Variants in TMPRSS11A observed in about 807,000 individuals in gnomAD.
The protein encoded by TMPRSS11A is transmembrane protease serine 11A.
In TMPRSS11A, 53 loss-of-function variants were observed where a neutral mutation model predicts 58.9. The observed-to-expected ratio is 0.90, with a 90% CI of 0.72 to 1.13. The LOEUF (loss-of-function observed/expected upper bound fraction) is 1.13. TMPRSS11A is among the 50% of genes most tolerant of loss of function. The pLI is 0.00. For synonymous variants in TMPRSS11A, 167 were observed against 169.8 expected (o/e 0.98, Z 0.13); for missense variants, 493 against 499.3 (o/e 0.99, Z 0.12).
At chr4:67,924,364 G>A (rs527801981) in intron 5 of TMPRSS11A, among the ~76,000 whole-genome samples, 198 bp from the exon 6 acceptor site, 2 of 152,274 alleles carry the variant, frequency 1.3e-5, no homozygotes, top group South Asian at 4.2e-4. Context: ...CTCTAATTAG[G>A]TGGATACTAT....
At chr4:67,917,245 C>T (rs533590883) in intron 8 of TMPRSS11A, among the ~76,000 whole-genome samples, 2 of 151,736 alleles carry the variant, frequency 1.3e-5, no homozygotes, top group African/African-American at 4.8e-5. Context: ...TTATAATATG[C>T]ATTTTCTATA....
Position 67,922,847 on chromosome 4 carries a change from C to A in TMPRSS11A, c.600G>T (p.Trp200Cys). The change falls in exon 7 of 10, where the codon TGG becomes TGT. Residue 200 changes from tryptophan to cysteine, a missense_variant. By Grantham distance (215) the Trp-to-Cys change is radical. Coordinates refer to ENST00000508048, the MANE Select transcript of TMPRSS11A (RefSeq NM_001114387.2). Reference sequence around the variant, plus strand: ...TGTTATCATACTGAAGGGAAGCTTGCCAAGGCCAGGCCGCCTTGGGTGCAA... The same window carrying A: ...TGTTATCATACTGAAGGGAAGCTTGACAAGGCCAGGCCGCCTTGGGTGCAA... The part of the protein sequence containing the change: ...GVIAPKAAWP[W>C]QASLQYDNIH... 1 of 1,614,136 alleles carries A rather than the reference C, an allele frequency of 6.2e-7. No homozygotes were observed. The highest frequency in any genetic ancestry group is 8.5e-7 in the Non-Finnish European group (1 of 1,180,022).
chr4:67,939,943 T>C (rs1463495041), intron 3 of TMPRSS11A, among the ~76,000 whole-genome samples: 1 of 152,094 alleles, frequency 6.6e-6, no homozygotes, highest in Non-Finnish European at 1.5e-5. Context: ...CCCACCATGG[T>C]CTCCCAAAGT....
chr4:67,929,827 A>T, intron 5 of TMPRSS11A, 53 bp downstream of exon 5: 3 of 1,411,602 alleles, frequency 2.1e-6, no homozygotes, highest in South Asian at 1.5e-5. Flanking sequence ...GAGATTCGTC[A>T]AAACATGGAC....
intron 7 of TMPRSS11A, 38 bp from the exon 8 acceptor site, chr4:67,919,270 T>A (rs758374362): frequency 6.3e-7 from 1 of 1,589,020 alleles, no homozygotes; most frequent in African/African-American, 1.3e-5. Context: ...ATATATAAGC[T>A]GCCCAAAGTA....
chr4:67,944,996 A>G (rs1232306428), intron 2 of TMPRSS11A, among the ~76,000 whole-genome samples: 1 of 152,214 alleles, frequency 6.6e-6, no homozygotes, highest in East Asian at 1.9e-4. Context: ...AATCCAGTCT[A>G]GCTGTAGAGC....
intron 3 of TMPRSS11A, among the ~76,000 whole-genome samples, chr4:67,940,796 C>T (rs923447285): frequency 8.5e-5 from 13 of 152,178 alleles, no homozygotes; most frequent in Non-Finnish European, 1.6e-4. Context: ...ACATGCAACA[C>T]ATGAAGAGAC....
chr4:67,928,701 A>G (rs1442905352), intron 5 of TMPRSS11A, among the ~76,000 whole-genome samples: 1 of 152,018 alleles, frequency 6.6e-6, no homozygotes, highest in Non-Finnish European at 1.5e-5. Flanking sequence ...TAAGTAGCTG[A>G]CTCGTTCTCA....
Position 67,919,046 on chromosome 4 carries a change from C to A in TMPRSS11A, c.879G>T (p.Leu293Phe). Residue 293 changes from leucine (L) to phenylalanine (F), a missense_variant, in exon 8 of 10, where the codon TTG (leucine) becomes TTT (phenylalanine). Transcript: ENST00000508048. ...TFSDDIRQIC[L>F]PEASASFQPN... ...GTTGGAAGGATGCAGAGGCTTCTGG[C>A]AAACAAATCTGGCGTATGTCATCCG... 6.2e-7 allele frequency: 1 copy of A among 1,614,140 alleles called. No homozygotes were observed. The highest frequency in any genetic ancestry group is 8.5e-7 in the Non-Finnish European group (1 of 1,180,010).
chr4:67,911,481 A>G lies in TMPRSS11A; in HGVS notation c.1118T>C (p.Val373Ala). 1 of 1,612,518 alleles carries G rather than the reference A, an allele frequency of 6.2e-7. No individual in the cohort carries two copies. Among genetic ancestry groups the G allele is most frequent in the South Asian group, 1.1e-5 (1 of 90,698 alleles). Residue 373 changes from valine (V) to alanine (A), a missense_variant, in exon 10 of 10, where the codon GTC (valine) becomes GCC (alanine). By Grantham distance (64) the Val-to-Ala change is moderately conservative. Transcript: ENST00000508048. ...ACRGDSGGPL[V>A]TRDLKDTWYL... ...CCACGTATCTTTCAGATCCCTTGTG[A>G]CTAAAGGTCCCCCAGAATCACCCTA... is the stretch of plus-strand genomic sequence containing the variant.
Position 67,911,317 on chromosome 4 carries a change from T to G in TMPRSS11A, c.*25A>C. The G allele has an allele frequency of 6.2e-7, 1 of 1,611,356 alleles. No individual in the cohort carries two copies. Among genetic ancestry groups the G allele is most frequent in the Non-Finnish European group, 8.5e-7 (1 of 1,178,078 alleles). ...ATGCATATATGACCTGCATACAGCT[T>G]TCTTTGTTTAACTTTTATCGTGAAT... On this transcript the variant is annotated 3_prime_UTR_variant, in exon 10 of 10. Coordinates refer to ENST00000508048, the MANE Select transcript of TMPRSS11A (RefSeq NM_001114387.2).
In TMPRSS11A at chr4:67,911,167, A is replaced by C. The variant is rs980062765; in HGVS notation, c.*175T>G. On this transcript the variant is annotated 3_prime_UTR_variant, in exon 10 of 10. Coordinates refer to ENST00000508048, the MANE Select transcript of TMPRSS11A (RefSeq NM_001114387.2). ...CTTTACAAATAAAAGTCCCTTATAA[A>C]TTGGCTAAGGATTATTGGTTGATTA... 5.8e-6 allele frequency: 3 copies of C among 521,448 alleles called. No individual in the cohort carries two copies. Among genetic ancestry groups the C allele is most frequent in the African/African-American group, 5.7e-5 (3 of 52,670 alleles). The allele number at this position is 521,448 out of a possible 1,614,324, so 32.3% of individuals were successfully genotyped here. A position where few individuals can be genotyped will look rare whatever the true frequency, so the allele number is the denominator to read the frequency against.
intron 1 of TMPRSS11A, among the ~76,000 whole-genome samples, chr4:67,958,253 G>A (rs899185443): frequency 2.6e-5 from 4 of 152,222 alleles, no homozygotes; most frequent in Non-Finnish European, 5.9e-5. Context: ...CAGAATGGTA[G>A]ATTCACCGAC....
In TMPRSS11A at chr4:67,909,846, C is replaced by T. The variant is rs1719921378; in HGVS notation, c.*1496G>A. 1 of 152,040 alleles carries T rather than the reference C, an allele frequency of 6.6e-6. No homozygotes were observed. Among genetic ancestry groups the T allele is most frequent in the Non-Finnish European group, 1.5e-5 (1 of 67,950 alleles). 9.4% of individuals were successfully genotyped at this position (152,040 alleles called of 1,614,324 possible). A position where few individuals can be genotyped will look rare whatever the true frequency, so the allele number is the denominator to read the frequency against. On this transcript the variant is annotated 3_prime_UTR_variant, in exon 10 of 10. Coordinates refer to ENST00000508048, the MANE Select transcript of TMPRSS11A (RefSeq NM_001114387.2). Reference sequence around the variant, plus strand: ...TATTGGCCTATGTGACATGCAATCTCTTCTCAGCTTTAAAATTCTATGAGT... The same window carrying T: ...TATTGGCCTATGTGACATGCAATCTTTTCTCAGCTTTAAAATTCTATGAGT...
chr4:67,918,564 A>AT (rs1720221440), intron 8 of TMPRSS11A, among the ~76,000 whole-genome samples: 1 of 152,110 alleles, frequency 6.6e-6, no homozygotes, highest in African/African-American at 2.4e-5. Flanking sequence ...CTTTCTATGT[A>AT]TTTTTTCTTT....
At chr4:67,932,109 T>C (rs73823321) in intron 3 of TMPRSS11A, 49 bp from the exon 4 acceptor site, 64,911 of 1,055,376 alleles carry the variant, frequency 0.062, 2,581 homozygotes, top group African/African-American at 0.17. Context: ...TATTTTATAA[T>C]AGGAATATAT....
At position 67,963,484 on chromosome 4, in the gene TMPRSS11A, TCTACGG is replaced by T; in HGVS notation, c.-97_-92del. The T allele has an allele frequency of 7.1e-7, 1 of 1,404,270 alleles. No individual in the cohort carries two copies. The highest frequency in any genetic ancestry group is 1.2e-5 in the South Asian group (1 of 80,922). The allele number at this position is 1,404,270 out of a possible 1,614,324, so 87.0% of individuals were successfully genotyped here. On this transcript the variant is annotated 5_prime_UTR_variant, in exon 1 of 10. Coordinates refer to ENST00000508048, the MANE Select transcript of TMPRSS11A (RefSeq NM_001114387.2). ...ATGACATCTCTAGATGTATTAGAAG[TCTACGG>T]CTCAAAGAAATAAGGAAACAAATTA...
intron 1 of TMPRSS11A, among the ~76,000 whole-genome samples, chr4:67,955,943 G>A (rs1186041243): frequency 6.6e-6 from 1 of 152,134 alleles, no homozygotes; most frequent in Non-Finnish European, 1.5e-5. Flanking sequence ...TAAAAAAGAG[G>A]TCTTCTATAG....
At chr4:67,947,694 G>C (rs1239079647) in intron 1 of TMPRSS11A, among the ~76,000 whole-genome samples, 1 of 152,144 alleles carries the variant, frequency 6.6e-6, no homozygotes, top group Non-Finnish European at 1.5e-5. Flanking sequence ...ACTCTTTGCT[G>C]TTCTTCTGGC....
Sources: gnomAD v4.1 joint callset for allele counts (sites outside exome capture counted in the v4.1 genomes callset) on GRCh38, gnomAD v4.1.1 for gene constraint, MANE v1.5 for transcripts, NCBI Gene and HGNC (gene_info 2026-07-23, HGNC 2026-07-21) for gene names.